Variants in NEK5 observed in about 807,000 individuals in gnomAD.
The protein encoded by NEK5 is NIMA related kinase 5.
In NEK5, 88 loss-of-function variants were observed where a neutral mutation model predicts 109.2. That is an observed-to-expected ratio of 0.81 (90% CI 0.68 to 0.96). NEK5 has a LOEUF of 0.96. Ranked by LOEUF, NEK5 falls within the 40% of genes least tolerant of loss-of-function variation. The pLI, the probability that NEK5 is intolerant of heterozygous loss-of-function variation, is 0.00. For missense variants in NEK5, 834 were observed against 920.7 expected (o/e 0.91, Z 1.22); for synonymous variants, 283 against 299.9 (o/e 0.94, Z 0.58).
chr13:52,105,156 A>C (rs551048410), intron 8 of NEK5, among the ~76,000 whole-genome samples: 1 of 152,258 alleles, frequency 6.6e-6, no homozygotes, highest in East Asian at 1.9e-4. Flanking sequence ...TCTAATCAGA[A>C]GTCAAGGAGT....
intron 22 of NEK5, among the ~76,000 whole-genome samples, chr13:52,053,970 T>C (rs1954530499): frequency 6.6e-6 from 1 of 152,238 alleles, no homozygotes; most frequent in Non-Finnish European, 1.5e-5. Context: ...TACCAAAATA[T>C]ATGAAAGAGC....
chr13:52,046,923 T>C (rs1377976085), intron 23 of NEK5, among the ~76,000 whole-genome samples: 1 of 152,112 alleles, frequency 6.6e-6, no homozygotes, highest in Non-Finnish European at 1.5e-5. Context: ...ACAATGTTAA[T>C]ACCCAAATTT....
intron 17 of NEK5, among the ~76,000 whole-genome samples, chr13:52,079,690 T>A (rs1190524652): frequency 6.6e-6 from 1 of 152,268 alleles, no homozygotes; most frequent in Non-Finnish European, 1.5e-5. Context: ...CCTCCCAAAG[T>A]GCCGAGATTG....
At position 52,065,525 on chromosome 13, in the gene NEK5, G is replaced by T; in HGVS notation, c.1934C>A (p.Ala645Glu). 1 of 1,613,554 alleles carries T rather than the reference G, an allele frequency of 6.2e-7. No individual in the cohort carries two copies. The highest frequency in any genetic ancestry group is 8.5e-7 in the Non-Finnish European group (1 of 1,179,464). Reference protein sequence around the residue: ...GAPQTLLQMMAVADITSTCPT... With the variant: ...GAPQTLLQMMEVADITSTCPT... ...GCAGGTGGAGGTGATGTCGGCCACT[G>T]CCATCATCTGCAGCAGAGTCTGAGG... The change falls in exon 21 of 24, where the codon GCA becomes GAA. Residue 645 changes from alanine to glutamate, a missense_variant. Ala to Glu is a moderately radical substitution (Grantham distance 107). Transcript: ENST00000684899.
chr13:52,057,874 C>G (rs1954575583), intron 22 of NEK5, among the ~76,000 whole-genome samples: 1 of 151,466 alleles, frequency 6.6e-6, no homozygotes, highest in African/African-American at 2.4e-5. Context: ...TGGAAGCATT[C>G]CCTTTGAAAA....
At chr13:52,117,224 A>G (rs1249097130) in intron 4 of NEK5, among the ~76,000 whole-genome samples, 2 of 152,172 alleles carry the variant, frequency 1.3e-5, no homozygotes, top group Non-Finnish European at 2.9e-5. Context: ...CGGCCAAAAC[A>G]TTCTATTTTC....
chr13:52,043,898 GATGGTTTAT>G (rs1172047976), intron 23 of NEK5, among the ~76,000 whole-genome samples: 1 of 152,176 alleles, frequency 6.6e-6, no homozygotes, highest in East Asian at 1.9e-4. Flanking sequence ...TACCAACTGT[GATGGTTTAT>G]ACAGAGTGTC....
chr13:52,036,863 C>G lies in NEK5; in HGVS notation c.*85G>C. On this transcript the variant is annotated 3_prime_UTR_variant, in exon 24 of 24. Transcript: ENST00000684899. ...CCTTGAGATTACTAGAAAACCCTTA[C>G]AGTAAATGAGCATTTATGACTTGTA... is the stretch of plus-strand genomic sequence containing the variant. 1.7e-6 allele frequency: 1 copy of G among 601,634 alleles called. No homozygotes were observed. The highest frequency in any genetic ancestry group is 2.1e-6 in the Non-Finnish European group (1 of 479,472). 37.3% of individuals were successfully genotyped at this position (601,634 alleles called of 1,614,324 possible).
At chr13:52,038,576 G>GACTACAGGTGAGC (rs1954385951) in intron 23 of NEK5, among the ~76,000 whole-genome samples, 1 of 152,122 alleles carries the variant, frequency 6.6e-6, no homozygotes. Context: ...GACAGGTGGG[G>GACTACAGGTGAGC]ACTACAGGTG....
intron 12 of NEK5, among the ~76,000 whole-genome samples, chr13:52,095,204 G>A (rs9526833): frequency 0.42 from 63,379 of 152,026 alleles, 15,087 homozygotes; most frequent in Non-Finnish European, 0.54. Context: ...CCAAAGTGTT[G>A]GATTATAGGC....
At chr13:52,048,445 A>T (rs1361396073) in intron 23 of NEK5, among the ~76,000 whole-genome samples, 4 of 152,034 alleles carry the variant, frequency 2.6e-5, no homozygotes, top group African/African-American at 9.7e-5. Flanking sequence ...AAAAAATCCC[A>T]TTTAAAATAC....
chr13:52,090,764 G>A (rs886570539), intron 13 of NEK5, among the ~76,000 whole-genome samples: 2 of 152,132 alleles, frequency 1.3e-5, no homozygotes, highest in African/African-American at 4.8e-5. Context: ...GGTGGCTCAT[G>A]CCTGTAATGC....
chr13:52,079,308 C>CTCTCCCCTCTTTCCACGG lies in NEK5; in HGVS notation c.1573-3166_1573-3165insCCGTGGAAAGAGGGGAGA, dbSNP rs1555310968. Among the ~76,000 whole-genome samples the CTCTCCCCTCTTTCCACGG allele has an allele frequency of 4.3e-3, 647 of 151,584 alleles. 5 individuals carry two copies. Among genetic ancestry groups the CTCTCCCCTCTTTCCACGG allele is most frequent in the African/African-American group, 0.014 (581 of 41,130 alleles). ...CTGATCCCTCTCCCTCTCCCTCTCC[C>CTCTCCCCTCTTTCCACGG]TCTCCCTCTCCCCTCTTTCCACGGT... is the stretch of plus-strand genomic sequence containing the variant. On this transcript the variant is annotated intron_variant, in intron 17 of 23. Transcript: ENST00000684899.
chr13:52,043,536 C>CA (rs559454334), intron 23 of NEK5, among the ~76,000 whole-genome samples: 5,412 of 50,444 alleles, frequency 0.11, 141 homozygotes, highest in South Asian at 0.17. Context: ...GACTCCATCT[C>CA]AAAAAAAAAA....
At chr13:52,051,157 T>TC (rs1159545111) in intron 22 of NEK5, among the ~76,000 whole-genome samples, 5 of 152,090 alleles carry the variant, frequency 3.3e-5, no homozygotes, top group African/African-American at 1.2e-4. Context: ...TTCTGCTTTT[T>TC]CTTCTTTTGG....
At chr13:52,110,921 G>A (rs921440345) in intron 5 of NEK5, among the ~76,000 whole-genome samples, 2 of 152,038 alleles carry the variant, frequency 1.3e-5, no homozygotes, top group Non-Finnish European at 2.9e-5. Context: ...TAACTGCATC[G>A]TGAATAGTAC....
At chr13:52,110,202 T>C in intron 7 of NEK5, 138 bp downstream of exon 7, 1 of 618,178 alleles carries the variant, frequency 1.6e-6, no homozygotes, top group Non-Finnish European at 2.9e-6. Flanking sequence ...AAGTACCATC[T>C]GATGTAATGC....
chr13:52,094,212 A>AG (rs1316666805), intron 12 of NEK5, among the ~76,000 whole-genome samples: 2 of 152,240 alleles, frequency 1.3e-5, no homozygotes, highest in African/African-American at 4.8e-5. Flanking sequence ...GATCAAATTA[A>AG]GATATAAAAG....
chr13:52,087,480 A>G (rs763706496), intron 14 of NEK5, 26 bp from the exon 15 acceptor site: 2 of 1,143,738 alleles, frequency 1.7e-6, no homozygotes, highest in Non-Finnish European at 2.6e-6. Context: ...AATAATTTAT[A>G]ATGCATACTT....
Sources: allele counts gnomAD v4.1 joint callset (sites outside exome capture counted in the v4.1 genomes callset), GRCh38; gene constraint gnomAD v4.1.1; transcripts MANE v1.5; gene names NCBI Gene and HGNC (gene_info 2026-07-23, HGNC 2026-07-21).